Variants in RHBDF1 observed in about 807,000 individuals in gnomAD.
RHBDF1 encodes inactive rhomboid protein 1.
RHBDF1 carries 80 observed loss-of-function variants against 98.6 expected under a neutral mutation model. That is an observed-to-expected ratio of 0.81 (90% CI 0.68 to 0.98). The LOEUF (loss-of-function observed/expected upper bound fraction) is 0.98. Among genes scored for constraint, RHBDF1 ranks in the 50% least tolerant of loss-of-function variants. The pLI is 0.00. For synonymous variants in RHBDF1, 512 were observed against 486.8 expected (o/e 1.05, Z -0.68); for missense variants, 1,116 against 1,198.3 (o/e 0.93, Z 1.01).
chr16:67,366 G>A (rs1897857160), intron 1 of RHBDF1, among the ~76,000 whole-genome samples: 1 of 152,194 alleles, frequency 6.6e-6, no homozygotes, highest in Non-Finnish European at 1.5e-5. Context: ...GAATCAGCAG[G>A]CTGAATCCAG....
intron 1 of RHBDF1, among the ~76,000 whole-genome samples, chr16:70,333 C>T (rs1897938998): frequency 1.3e-5 from 2 of 152,162 alleles, no homozygotes; most frequent in Admixed American, 6.5e-5. Flanking sequence ...AGGCCCACAT[C>T]CCCTGCACAC....
At chr16:68,585 C>T (rs919680273) in intron 1 of RHBDF1, among the ~76,000 whole-genome samples, 7 of 152,348 alleles carry the variant, frequency 4.6e-5, no homozygotes, top group Admixed American at 1.3e-4. Context: ...GTCACTGCAG[C>T]AGCCTCACAG....
chr16:59,177 C>T (rs749882688), intron 16 of RHBDF1, 50 bp from the exon 17 acceptor site: 6 of 1,598,704 alleles, frequency 3.8e-6, no homozygotes, highest in Admixed American at 1.7e-5. Context: ...AGGGAAGTGA[C>T]CTTTCTGCCA....
Position 59,447 on chromosome 16 carries a change from A to G in RHBDF1, c.1865T>C (p.Phe622Ser), listed in dbSNP as rs993012246. 6.2e-7 allele frequency: 1 copy of G among 1,613,754 alleles called. No individual in the cohort carries two copies. Among genetic ancestry groups the G allele is most frequent in the South Asian group, 1.1e-5 (1 of 91,082 alleles). The change falls in exon 15 of 18, where the codon TTC (phenylalanine) becomes TCC (serine). Residue 622 changes from phenylalanine to serine, a missense_variant. Transcript: ENST00000262316. ...AGAGCAGAGCGTGGCCTCCTCATGG[A>G]AGTAGCCCCTCATGAAGTCACAGTA... ...REYCDFMRGYFHEEATLCSQV... is the reference protein window; with the variant it reads ...REYCDFMRGYSHEEATLCSQV...
rs369967910 is a variant in RHBDF1, at chr16:60,523, C to T, written c.1574G>A (p.Trp525Ter). 6.2e-7 allele frequency: 1 copy of T among 1,609,218 alleles called. No homozygotes were observed. The highest frequency in any genetic ancestry group is 1.3e-5 in the African/African-American group (1 of 74,912). The change falls in exon 12 of 18, where the codon TGG (tryptophan) becomes TAG (stop). Residue 525 changes from tryptophan to a stop codon, truncating the protein, a stop_gained. Coordinates refer to ENST00000262316, the MANE Select transcript of RHBDF1 (RefSeq NM_022450.5). LOFTEE classifies it high-confidence loss of function. ...GCTGGGATGGATGGGCCACTTCACCCACACTGCCAGCGTGGACTGTGGGAG... is the reference window on the plus strand; with the variant it reads ...GCTGGGATGGATGGGCCACTTCACCTACACTGCCAGCGTGGACTGTGGGAG... ...EEECSSTLAV[W>*]VKWPIHPSAP...
chr16:65,906 G>A (rs1897817272), intron 1 of RHBDF1, among the ~76,000 whole-genome samples: 1 of 152,248 alleles, frequency 6.6e-6, no homozygotes, highest in Non-Finnish European at 1.5e-5. Flanking sequence ...GGGCTGCGGG[G>A]CATTGCAAGC....
Position 64,387 on chromosome 16 carries a change from C to T in RHBDF1, c.248+312G>A, listed in dbSNP as rs187164920. ...CTGTGGGAAGGCCCTGCGGGCAGCCCGGGGACCCAAGAGGGGCAGAGTGTG... is the reference window on the plus strand; with the variant it reads ...CTGTGGGAAGGCCCTGCGGGCAGCCTGGGGACCCAAGAGGGGCAGAGTGTG... On this transcript the variant is annotated intron_variant, in intron 3 of 17. Transcript: ENST00000262316. 14 of 1,389,114 alleles carry T rather than the reference C, an allele frequency of 1.0e-5. No homozygotes were observed. The East Asian group carries it at 1.6e-4, about 16-fold the overall frequency. 86.0% of individuals were successfully genotyped at this position (1,389,114 alleles called of 1,614,324 possible).
At position 58,221 on chromosome 16, in the gene RHBDF1, T is replaced by C; in HGVS notation, c.*119A>G. 1.1e-6 allele frequency: 1 copy of C among 949,294 alleles called. No individual in the cohort carries two copies. The highest frequency in any genetic ancestry group is 2.5e-5 in the East Asian group (1 of 40,076). 58.8% of individuals were successfully genotyped at this position (949,294 alleles called of 1,614,324 possible). ...CAAGGCACAAGAAAGAGGTCTGTGT[T>C]CAGGAAACAGGCCAGTCCCCACATG... On this transcript the variant is annotated 3_prime_UTR_variant, in exon 18 of 18. Coordinates refer to ENST00000262316, the MANE Select transcript of RHBDF1 (RefSeq NM_022450.5).
Position 64,842 on chromosome 16 carries a change from G to A in RHBDF1, c.118-13C>T, listed in dbSNP as rs778219378. 7 of 1,614,110 alleles carry A rather than the reference G, an allele frequency of 4.3e-6. No homozygotes were observed. Among genetic ancestry groups the A allele is most frequent in the Non-Finnish European group, 5.9e-6 (7 of 1,180,012 alleles). On this transcript the variant is annotated splice_polypyrimidine_tract_variant and intron_variant, in intron 2 of 17. Coordinates refer to ENST00000262316, the MANE Select transcript of RHBDF1 (RefSeq NM_022450.5). ...GTCGCCTCAGGGGCTGGGCAACAGG[G>A]TCATGGTGAGGGTACTGGACAGGGG...
rs773529964 is a variant in RHBDF1, at chr16:63,758, G to A, written c.291C>T (p.Ser97=). Reference sequence around the variant, plus strand: ...TGCTCTTGCGCTGCCATTTCTGGGTGCTGTCACTGTCCTTGCTCACTCCAA... The same window carrying A: ...TGCTCTTGCGCTGCCATTTCTGGGTACTGTCACTGTCCTTGCTCACTCCAA... The part of the protein sequence containing the change: ...DWFGVSKDSD[S]TQKWQRKSIR... The change falls in exon 4 of 18, where the codon AGC becomes AGT. Residue 97 remains serine (S), a synonymous_variant. Coordinates refer to ENST00000262316, the MANE Select transcript of RHBDF1 (RefSeq NM_022450.5). 9.3e-6 allele frequency: 15 copies of A among 1,613,872 alleles called. No homozygotes were observed. Among genetic ancestry groups the A allele is most frequent in the Non-Finnish European group, 1.3e-5 (15 of 1,179,972 alleles).
At chr16:64,621 T>G in intron 3 of RHBDF1, 78 bp downstream of exon 3, 1 of 1,549,800 alleles carries the variant, frequency 6.5e-7, no homozygotes, top group Admixed American at 1.9e-5. Context: ...TTGTTCTCAT[T>G]TCCATCCTCT....
chr16:59,662 G>A, intron 14 of RHBDF1, 70 bp downstream of exon 14: 1 of 1,569,938 alleles, frequency 6.4e-7, no homozygotes, highest in Non-Finnish European at 8.7e-7. Context: ...ATTTGGTTAG[G>A]GAGAAGGCAC....
chr16:65,151 G>A, intron 1 of RHBDF1, 112 bp from the exon 2 acceptor site: 2 of 1,111,678 alleles, frequency 1.8e-6, no homozygotes, highest in South Asian at 3.7e-5. Context: ...TGGTGCTCAT[G>A]TCCCCCACTG....
At chr16:67,440 C>T (rs1897858306) in intron 1 of RHBDF1, among the ~76,000 whole-genome samples, 1 of 152,212 alleles carries the variant, frequency 6.6e-6, no homozygotes, top group South Asian at 2.1e-4. Context: ...CCAGCTGGTT[C>T]TTCACTCAGG....
At position 61,141 on chromosome 16, in the gene RHBDF1, C is replaced by T; in HGVS notation, c.1536G>A (p.Gln512=). Residue 512 remains glutamine (Q), a synonymous_variant, in exon 11 of 18, where the codon CAG becomes CAA. Transcript: ENST00000262316. The stretch of plus-strand genomic sequence containing the variant: ...GCACCGAGCACTCCTCCTCCGAGGT[C>T]TGCACGCAGCCCGACCTGTCGTTGC... ...CVRNDRSGCV[Q]TSEEECSSTL... The T allele has an allele frequency of 6.5e-7, 1 of 1,536,050 alleles. No homozygotes were observed. Among genetic ancestry groups the T allele is most frequent in the Middle Eastern group, 1.7e-4 (1 of 5,984 alleles).
At position 58,095 on chromosome 16, in the gene RHBDF1, T is replaced by C. The variant is rs1897452909; in HGVS notation, c.*245A>G. On this transcript the variant is annotated 3_prime_UTR_variant, in exon 18 of 18. Coordinates refer to ENST00000262316, the MANE Select transcript of RHBDF1 (RefSeq NM_022450.5). ...GCAGCTAAAACGCTCCCAGTCCATT[T>C]ATTGGCCACATGAGGTGGTCGTCAA... 1 of 464,078 alleles carries C rather than the reference T, an allele frequency of 2.2e-6. No homozygotes were observed. Among genetic ancestry groups the C allele is most frequent in the African/African-American group, 2.0e-5 (1 of 51,024 alleles). 28.7% of individuals were successfully genotyped at this position (464,078 alleles called of 1,614,324 possible). A position where few individuals can be genotyped will look rare whatever the true frequency, so the allele number is the denominator to read the frequency against.
rs373464227 is a variant in RHBDF1 at position 64,989 on chromosome 16, C to T, written c.27G>A (p.Thr9=). 2.3e-4 allele frequency: 358 copies of T among 1,534,128 alleles called. 10 individuals carry two copies. In the South Asian group the frequency reaches 3.9e-3, roughly 17 times the overall value. Residue 9 remains threonine (T), a synonymous_variant, in exon 2 of 18, where the codon ACG becomes ACA. Transcript: ENST00000262316. ...GTGGCTTCTTGCGCTGCAGGCTGCTCGTGCTGTCCCTGCGGGCCTCACTCA... is the reference window on the plus strand; with the variant it reads ...GTGGCTTCTTGCGCTGCAGGCTGCTTGTGCTGTCCCTGCGGGCCTCACTCA... MSEARRDS[T]SSLQRKKPPW...
Position 63,178 on chromosome 16 carries a change from A to G in RHBDF1, c.467T>C (p.Ile156Thr), listed in dbSNP as rs763600756. 13 of 1,570,106 alleles carry G rather than the reference A, an allele frequency of 8.3e-6. No homozygotes were observed. Among genetic ancestry groups the G allele is most frequent in the South Asian group, 4.6e-5 (4 of 86,022 alleles). ...GGCACGGCCACGGGCCAGGGGGTCTATGATCTGGAGGAGGGGAGGAGATGC... is the reference window on the plus strand; with the variant it reads ...GGCACGGCCACGGGCCAGGGGGTCTGTGATCTGGAGGAGGGGAGGAGATGC... ...GPCQLGMQKIIDPLARGRAFR... is the reference protein window; with the variant it reads ...GPCQLGMQKITDPLARGRAFR... Residue 156 changes from isoleucine to threonine, a missense_variant, in exon 5 of 18, where the codon ATA becomes ACA. Transcript: ENST00000262316.
chr16:66,675 G>A (rs1414513770), intron 1 of RHBDF1, among the ~76,000 whole-genome samples: 4 of 152,200 alleles, frequency 2.6e-5, no homozygotes, highest in Non-Finnish European at 5.9e-5. Flanking sequence ...CAGGTCCCAG[G>A]TGAGAGCTGG....
Sources: gnomAD v4.1 joint callset for allele counts (sites outside exome capture counted in the v4.1 genomes callset) on GRCh38, gnomAD v4.1.1 for gene constraint, MANE v1.5 for transcripts, NCBI Gene and HGNC (gene_info 2026-07-23, HGNC 2026-07-21) for gene names.